GALNT10: variants seen among roughly 807,000 people sequenced by gnomAD.
GALNT10 encodes the protein polypeptide N-acetylgalactosaminyltransferase 10.
In GALNT10, 41 loss-of-function variants were observed where a neutral mutation model predicts 75.0. The observed-to-expected ratio is 0.55, with a 90% CI of 0.43 to 0.71. The LOEUF (loss-of-function observed/expected upper bound fraction) is 0.71. Ranked by LOEUF, GALNT10 falls within the 30% of genes least tolerant of loss-of-function variation. The pLI, the probability that GALNT10 is intolerant of heterozygous loss-of-function variation, is 0.00. For missense variants in GALNT10, 727 were observed against 818.5 expected (o/e 0.89, Z 1.36); for synonymous variants, 302 against 313.0 (o/e 0.96, Z 0.37).
intron 1 of GALNT10, among the ~76,000 whole-genome samples, chr5:154,260,327 A>G (rs1440714581): frequency 1.3e-5 from 2 of 152,156 alleles, no homozygotes; most frequent in Non-Finnish European, 2.9e-5. Context: ...TTAGCTGTCC[A>G]TAATTACATT....
rs368679697 is a variant in GALNT10, at chr5:154,419,382, GT to G, written c.*2413del. ...GGTCCACCCTCTGAACCCCCAGCAT[GT>G]TTGTCCTGTTTCTCACCATTGGGTT... On this transcript the variant is annotated 3_prime_UTR_variant, in exon 12 of 12. Transcript: ENST00000297107. 9.6e-4 allele frequency: 147 copies of G among 152,354 alleles called. No homozygotes were observed. Among genetic ancestry groups the G allele is most frequent in the Non-Finnish European group, 1.6e-3 (109 of 68,114 alleles). The allele number at this position is 152,354 out of a possible 1,614,324, so 9.4% of individuals were successfully genotyped here. A position where few individuals can be genotyped will look rare whatever the true frequency, so the allele number is the denominator to read the frequency against.
chr5:154,361,319 A>G (rs1755383107), intron 4 of GALNT10, among the ~76,000 whole-genome samples: 1 of 152,124 alleles, frequency 6.6e-6, no homozygotes, highest in South Asian at 2.1e-4. Context: ...TCTGTCACTT[A>G]CCAGCAATGA....
In GALNT10 at chr5:154,320,579, G is replaced by A. The variant is rs114650871; in HGVS notation, c.402-8993G>A. The stretch of plus-strand genomic sequence containing the variant: ...CAGATATCACCAGTCTTTCTTGGCC[G>A]CAAAGGATTCAGCTGAGTTAAGGAA... On this transcript the variant is annotated intron_variant, in intron 3 of 11. Transcript: ENST00000297107. Among the ~76,000 whole-genome samples, 1,161 of 152,274 alleles carry A rather than the reference G, an allele frequency of 7.6e-3. 21 individuals are homozygous for A. Among genetic ancestry groups the A allele is most frequent in the African/African-American group, 0.026 (1,088 of 41,554 alleles).
At chr5:154,307,622 GAA>G (rs368835213) in intron 3 of GALNT10, among the ~76,000 whole-genome samples, 2 of 125,112 alleles carry the variant, frequency 1.6e-5, no homozygotes, top group Non-Finnish European at 1.7e-5. Flanking sequence ...TCCATCTCAA[GAA>G]AAAAAAAAAA....
At chr5:154,303,918 G>A (rs1754395165) in intron 3 of GALNT10, among the ~76,000 whole-genome samples, 1 of 152,154 alleles carries the variant, frequency 6.6e-6, no homozygotes, top group African/African-American at 2.4e-5. Context: ...AATTAGCAGA[G>A]TTAATTGTAA....
In GALNT10 at chr5:154,298,218, A is replaced by G. The variant is rs1754310740; in HGVS notation, c.401+139A>G. 5 of 785,150 alleles carry G rather than the reference A, an allele frequency of 6.4e-6. No homozygotes were observed. Among genetic ancestry groups the G allele is most frequent in the South Asian group, 1.6e-5 (1 of 61,568 alleles). 48.6% of individuals were successfully genotyped at this position (785,150 alleles called of 1,614,324 possible). On this transcript the variant is annotated intron_variant, in intron 3 of 11. Transcript: ENST00000297107. This position sits in a 1 kb window ranked among gnomAD's most constrained non-coding sequence, Gnocchi z 4.1. Reference sequence around the variant, plus strand: ...TTCACAGGCATTTGTGCAAAGGTTCATGGTGTTGAGGGGTAGGAGATAATA... The same window carrying G: ...TTCACAGGCATTTGTGCAAAGGTTCGTGGTGTTGAGGGGTAGGAGATAATA...
chr5:154,347,436 C>T (rs1755146625), intron 4 of GALNT10, among the ~76,000 whole-genome samples: 1 of 151,700 alleles, frequency 6.6e-6, no homozygotes, highest in Non-Finnish European at 1.5e-5. Flanking sequence ...CAACCATAGC[C>T]CACTGCAGCC....
chr5:154,331,414 C>T (rs1382714226), intron 4 of GALNT10, among the ~76,000 whole-genome samples: 1 of 152,192 alleles, frequency 6.6e-6, no homozygotes, highest in Non-Finnish European at 1.5e-5. Flanking sequence ...TATCTTTGAT[C>T]CTGGCCCTGC....
chr5:154,350,407 G>A (rs754936752), intron 4 of GALNT10, among the ~76,000 whole-genome samples: 1 of 152,150 alleles, frequency 6.6e-6, no homozygotes, highest in Non-Finnish European at 1.5e-5. Context: ...AAATTGACAG[G>A]CCAAATTGGC....
At chr5:154,415,702 T>A in intron 10 of GALNT10, 81 bp from the exon 11 acceptor site, 2 of 1,278,904 alleles carry the variant, frequency 1.6e-6, no homozygotes, top group Non-Finnish European at 2.1e-6. Flanking sequence ...GAGTTTAAAT[T>A]TTTCCATAAT....
At chr5:154,343,139 G>A (rs187670700) in intron 4 of GALNT10, among the ~76,000 whole-genome samples, 20 of 152,130 alleles carry the variant, frequency 1.3e-4, no homozygotes, top group Admixed American at 3.9e-4. Context: ...CCTCAGTCTC[G>A]GTGGAGTCCA....
chr5:154,266,531 C>A, intron 1 of GALNT10, among the ~76,000 whole-genome samples: 1 of 149,212 alleles, frequency 6.7e-6, no homozygotes. Context: ...TCTCTTTTCC[C>A]AACAATCTAC....
intron 4 of GALNT10, among the ~76,000 whole-genome samples, chr5:154,353,761 C>A (rs908533350): frequency 1.3e-5 from 2 of 152,164 alleles, no homozygotes; most frequent in Non-Finnish European, 2.9e-5. Flanking sequence ...TTCCTCCTGG[C>A]AAATCCTGTT....
At chr5:154,325,174 G>A (rs368451764) in intron 3 of GALNT10, among the ~76,000 whole-genome samples, 8,944 of 76,660 alleles carry the variant, frequency 0.12, 808 homozygotes, top group African/African-American at 0.26. Flanking sequence ...TGGCCTAACC[G>A]TGCCTCTGAG....
intron 7 of GALNT10, among the ~76,000 whole-genome samples, chr5:154,399,202 T>G (rs961447121): frequency 2.0e-5 from 3 of 152,108 alleles, no homozygotes; most frequent in African/African-American, 7.2e-5. Context: ...TCTTGGATGG[T>G]CACTACCTCT....
rs1052357446 is a variant in GALNT10 at position 154,298,591 on chromosome 5, A to G, written c.401+512A>G. Among the ~76,000 whole-genome samples the G allele has an allele frequency of 2.0e-5, 3 of 152,176 alleles. No individual in the cohort carries two copies. Among genetic ancestry groups the G allele is most frequent in the Admixed American group, 6.5e-5 (1 of 15,278 alleles). On this transcript the variant is annotated intron_variant, in intron 3 of 11. Transcript: ENST00000297107. The surrounding 1 kb of genome is among the most constrained non-coding windows in gnomAD (Gnocchi z 4.1). ...ATTTGTATCATCTCAGGTTGCTGTG[A>G]GGTAGGTCCTGTAATGATGCCGATT...
intron 7 of GALNT10, among the ~76,000 whole-genome samples, chr5:154,400,005 G>T (rs1330455953): frequency 1.3e-5 from 2 of 152,192 alleles, no homozygotes; most frequent in Non-Finnish European, 2.9e-5. Context: ...AGGTATGGTG[G>T]CACACACCTG....
In GALNT10 at chr5:154,305,820, C is replaced by G. The variant is rs574948608; in HGVS notation, c.401+7741C>G. Among the ~76,000 whole-genome samples the G allele has an allele frequency of 2.0e-5, 3 of 152,202 alleles. No individual in the cohort carries two copies. In the East Asian group the frequency reaches 5.8e-4, roughly 29 times the overall value. On this transcript the variant is annotated intron_variant, in intron 3 of 11. Transcript: ENST00000297107. ...ATCACCTGAGGTCAGGAGTTCCAGA[C>G]CAGCCTGACCAACATGGTGAAACCC...
In GALNT10 at chr5:154,418,975, T is replaced by C. The variant is rs1032137139; in HGVS notation, c.*2003T>C. ...AAAGAGCAATGCAGCGTCGTTAAAA[T>C]AAAAACTGTGCCTTTTAAAAAGAAA... On this transcript the variant is annotated 3_prime_UTR_variant, in exon 12 of 12. Transcript: ENST00000297107. The C allele has an allele frequency of 1.2e-4, 18 of 152,446 alleles. No homozygotes were observed. The highest frequency in any genetic ancestry group is 4.4e-4 in the African/African-American group (18 of 41,368). The allele number at this position is 152,446 out of a possible 1,614,324, so 9.4% of individuals were successfully genotyped here. A position where few individuals can be genotyped will look rare whatever the true frequency, so the allele number is the denominator to read the frequency against.
Sources: gnomAD v4.1 joint callset for allele counts (sites outside exome capture counted in the v4.1 genomes callset) on GRCh38, gnomAD v4.1.1 for gene constraint, Gnocchi (gnomAD v3.1) non-coding constraint, MANE v1.5 for transcripts, NCBI Gene and HGNC (gene_info 2026-07-23, HGNC 2026-07-21) for gene names.